Variants in DNAH7 observed in about 807,000 individuals in gnomAD.
DNAH7 encodes dynein axonemal heavy chain 7.
In DNAH7, 397 loss-of-function variants were observed where a neutral mutation model predicts 444.6. The ratio of observed to expected loss-of-function variants is 0.89; its 90% CI spans 0.82 to 0.97. The LOEUF is 0.97. DNAH7 is among the 50% of genes least tolerant of loss of function. The pLI is 0.00. For synonymous variants in DNAH7, 1,636 were observed against 1,624.4 expected, an observed-to-expected ratio of 1.01 and a Z score of -0.17; for missense variants, 4,902 against 4,800.8, an observed-to-expected ratio of 1.02 and a Z score of -0.62.
intron 19 of DNAH7, among the ~76,000 whole-genome samples, chr2:195,952,036 T>C (rs1440374748): frequency 6.6e-6 from 1 of 152,228 alleles, no homozygotes; most frequent in African/African-American, 2.4e-5. Context: ...CAATGATCTT[T>C]ACAATTTGGT....
At chr2:196,067,002 A>G (rs1252257105) in intron 1 of DNAH7, among the ~76,000 whole-genome samples, 1 of 152,248 alleles carries the variant, frequency 6.6e-6, no homozygotes, top group African/African-American at 2.4e-5. Context: ...GTTCAAAAAT[A>G]GTAAGTGGAA....
intron 48 of DNAH7, among the ~76,000 whole-genome samples, chr2:195,832,418 T>C (rs928201464): frequency 5.9e-5 from 9 of 151,940 alleles, no homozygotes; most frequent in African/African-American, 2.2e-4. Flanking sequence ...ATGTTTTGGG[T>C]TCTGTTTTTG....
In DNAH7 at chr2:195,927,141, G is replaced by A. The variant is rs566636179; in HGVS notation, c.3472-575C>T. On this transcript the variant is annotated intron_variant, in intron 21 of 64. Coordinates refer to ENST00000312428, the MANE Select transcript of DNAH7 (RefSeq NM_018897.3). ...ATTCATTCATGGAGAGTTGAGGGCT[G>A]TAAAGTCAGGAAGTCTAATTTTGTA... Among the ~76,000 whole-genome samples, 109 of 152,108 alleles carry A rather than the reference G, an allele frequency of 7.2e-4. 5 individuals are homozygous for A. Among genetic ancestry groups the A allele is most frequent in the Non-Finnish European group, 4.4e-4 (30 of 68,028 alleles).
chr2:195,938,398 A>G lies in DNAH7; in HGVS notation c.3079-1606T>C, dbSNP rs544067863. On this transcript the variant is annotated intron_variant, in intron 19 of 64. Coordinates refer to ENST00000312428, the MANE Select transcript of DNAH7 (RefSeq NM_018897.3). ...CACACACACAAACACACACAGCATA[A>G]CAGACTCAGGCCATCATGTTCGCCT... 2.6e-5 allele frequency among the ~76,000 whole-genome samples: 4 copies of G among 151,670 alleles called. 1 individual carries two copies. The highest frequency in any genetic ancestry group is 2.1e-4 in the South Asian group (1 of 4,806).
intron 6 of DNAH7, among the ~76,000 whole-genome samples, chr2:196,027,390 C>G (rs1337180021): frequency 2.0e-5 from 3 of 151,712 alleles, no homozygotes; most frequent in Non-Finnish European, 4.4e-5. Context: ...ATATTCCATA[C>G]TATAATTTTA....
chr2:195,915,545 A>G (rs567649510), intron 24 of DNAH7, among the ~76,000 whole-genome samples: 1 of 152,330 alleles, frequency 6.6e-6, no homozygotes, highest in East Asian at 1.9e-4. Context: ...TGAGAAGAAA[A>G]GAGTATTGAG....
chr2:195,884,531 A>G, intron 35 of DNAH7, 54 bp downstream of exon 35: 1 of 1,336,032 alleles, frequency 7.5e-7, no homozygotes, highest in Non-Finnish European at 1.1e-6. Flanking sequence ...GCTATGTGTC[A>G]GAGAGGGGAC....
intron 54 of DNAH7, among the ~76,000 whole-genome samples, chr2:195,804,518 A>C (rs1696619248): frequency 6.6e-6 from 1 of 152,258 alleles, no homozygotes. Context: ...AACAGTTTCC[A>C]AACTGCAGTG....
At chr2:195,871,788 G>A (rs187670846) in intron 40 of DNAH7, among the ~76,000 whole-genome samples, 9,867 of 88,088 alleles carry the variant, frequency 0.11, 1,653 homozygotes, top group Non-Finnish European at 0.14. Flanking sequence ...AAAATTAGCC[G>A]GGCGTAGTGG....
At position 195,919,311 on chromosome 2, in the gene DNAH7, C is replaced by T. The variant is rs117425228; in HGVS notation, c.3935+2777G>A. ...GAGGTTAGGAATTCTCTACTTTCTG[C>T]ATAATTTTTCTGTAAATCTAAAATT... On this transcript the variant is annotated intron_variant, in intron 24 of 64. Coordinates refer to ENST00000312428, the MANE Select transcript of DNAH7 (RefSeq NM_018897.3). Among the ~76,000 whole-genome samples the T allele has an allele frequency of 4.6e-4, 70 of 151,852 alleles. 1 individual carries two copies. The East Asian group carries it at 0.012, about 25-fold the overall frequency.
At position 195,794,438 on chromosome 2, in the gene DNAH7, A is replaced by C. The variant is rs373613483; in HGVS notation, c.10616T>G (p.Met3539Arg). 1 of 1,613,976 alleles carries C rather than the reference A, an allele frequency of 6.2e-7. No homozygotes were observed. The highest frequency in any genetic ancestry group is 1.3e-5 in the African/African-American group (1 of 74,898). Residue 3539 changes from methionine to arginine, a missense_variant, in exon 57 of 65, where the codon ATG becomes AGG. Transcript: ENST00000312428. Reference protein sequence around the residue: ...PVSVLQNGVKMTNEAPKGLRA... With the variant: ...PVSVLQNGVKRTNEAPKGLRA... The stretch of plus-strand genomic sequence containing the variant: ...TAAACCTTTTGGTGCTTCATTGGTC[A>C]TTTTCACTCCATTCTGCAGTACTGA...
At chr2:195,758,295 G>T (rs141635473) in intron 61 of DNAH7, among the ~76,000 whole-genome samples, 128 of 152,276 alleles carry the variant, frequency 8.4e-4, no homozygotes, top group African/African-American at 3.0e-3. Context: ...ACCAGAAAAG[G>T]CTTCTAACAT....
chr2:195,875,496 A>C (rs904046148), intron 38 of DNAH7, among the ~76,000 whole-genome samples, 179 bp downstream of exon 38: 3 of 152,226 alleles, frequency 2.0e-5, no homozygotes, highest in African/African-American at 7.2e-5. Flanking sequence ...TAGCCCATCC[A>C]AGGTCACCCA....
rs148097672 is a variant in DNAH7 at position 195,952,819 on chromosome 2, T to A, written c.3078+4442A>T. ...TTCCTCTCTACACTGGTTATTCTAG[T>A]TAGCAATTCGTCTAACCTTTTTTCA... is the stretch of plus-strand genomic sequence containing the variant. On this transcript the variant is annotated intron_variant, in intron 19 of 64. Transcript: ENST00000312428. Among the ~76,000 whole-genome samples, 834 of 152,314 alleles carry A rather than the reference T, an allele frequency of 5.5e-3. 9 individuals are homozygous for A. The highest frequency in any genetic ancestry group is 0.019 in the African/African-American group (795 of 41,578).
chr2:195,757,382 C>T (rs6751435), intron 61 of DNAH7, among the ~76,000 whole-genome samples: 13,896 of 152,210 alleles, frequency 0.091, 694 homozygotes, highest in African/African-American at 0.13. Context: ...ATGACTGATG[C>T]ACGGATGTTA....
At chr2:195,940,855 TA>T (rs906848009) in intron 19 of DNAH7, among the ~76,000 whole-genome samples, 1 of 152,090 alleles carries the variant, frequency 6.6e-6, no homozygotes, top group Non-Finnish European at 1.5e-5. Flanking sequence ...TGCCAATCAT[TA>T]AAAAGTCAGG....
chr2:196,025,442 G>C (rs1695623645), intron 7 of DNAH7, among the ~76,000 whole-genome samples: 1 of 151,974 alleles, frequency 6.6e-6, no homozygotes, highest in African/African-American at 2.4e-5. Context: ...GGCATATAAA[G>C]CCCTTCAGAT....
At chr2:195,847,561 G>A (rs1699083804) in intron 46 of DNAH7, among the ~76,000 whole-genome samples, 1 of 151,420 alleles carries the variant, frequency 6.6e-6, no homozygotes. Context: ...TTACCTGGGT[G>A]ATGACATAAT....
rs1345250515 is a variant in DNAH7, at chr2:195,936,584, A to T, written c.3272+15T>A. 8 of 1,558,058 alleles carry T rather than the reference A, an allele frequency of 5.1e-6. No homozygotes were observed. Among genetic ancestry groups the T allele is most frequent in the Non-Finnish European group, 6.9e-6 (8 of 1,159,078 alleles). On this transcript the variant is annotated intron_variant, in intron 20 of 64. Coordinates refer to ENST00000312428, the MANE Select transcript of DNAH7 (RefSeq NM_018897.3). The stretch of plus-strand genomic sequence containing the variant: ...AGATAAATTTAGTCATGTATTCTAC[A>T]TGTAAATTACTTACCTAGTGGGATC...
Sources: allele counts gnomAD v4.1 joint callset (sites outside exome capture counted in the v4.1 genomes callset), GRCh38; gene constraint gnomAD v4.1.1; transcripts MANE v1.5; gene names NCBI Gene and HGNC (gene_info 2026-07-23, HGNC 2026-07-21).